The following CPNE4 variants were observed in gnomAD, a reference collection of about 807,000 sequenced individuals.
CPNE4 encodes copine 4, also known as copine-4.
CPNE4 carries 25 observed loss-of-function variants against 67.9 expected under a neutral mutation model. The ratio of observed to expected loss-of-function variants is 0.37; its 90% CI spans 0.27 to 0.51. The LOEUF (loss-of-function observed/expected upper bound fraction) is 0.51, where lower values mean the gene tolerates loss of function less well. Among genes scored for constraint, CPNE4 ranks in the 20% least tolerant of loss-of-function variants. The pLI, the probability that CPNE4 is intolerant of heterozygous loss-of-function variation, is 0.93. For synonymous variants in CPNE4, 242 were observed against 244.9 expected, an observed-to-expected ratio of 0.99 and a Z score of 0.11; for missense variants, 464 against 690.8, an observed-to-expected ratio of 0.67 and a Z score of 3.68.
intron 2 of CPNE4, among the ~76,000 whole-genome samples, chr3:131,735,941 T>C (rs2082224411): frequency 6.6e-6 from 1 of 152,236 alleles, no homozygotes; most frequent in Admixed American, 6.5e-5. Flanking sequence ...AGCTTCTATC[T>C]GAAGCCAAAT....
At chr3:131,754,583 G>T (rs1343186715) in intron 2 of CPNE4, among the ~76,000 whole-genome samples, 1 of 152,168 alleles carries the variant, frequency 6.6e-6, no homozygotes, top group Non-Finnish European at 1.5e-5. Context: ...AATAGATTCT[G>T]ATTCTTTGTA....
At chr3:131,737,511 A>G (rs16837765) in intron 2 of CPNE4, among the ~76,000 whole-genome samples, 17,103 of 152,210 alleles carry the variant, frequency 0.11, 1,259 homozygotes, top group East Asian at 0.26. Flanking sequence ...GAAATTTCCC[A>G]TCACACTATC....
chr3:131,822,428 A>AC (rs1380105998), intron 2 of CPNE4, among the ~76,000 whole-genome samples: 3 of 152,158 alleles, frequency 2.0e-5, no homozygotes, highest in Non-Finnish European at 4.4e-5. Flanking sequence ...GAAAATAACC[A>AC]TTTTCTCTTT....
At chr3:131,975,794 A>T (rs1255464486) in intron 1 of CPNE4, among the ~76,000 whole-genome samples, 1 of 152,220 alleles carries the variant, frequency 6.6e-6, no homozygotes, top group Non-Finnish European at 1.5e-5. Context: ...ATGCATAGAT[A>T]TGTATGCCTA....
chr3:132,007,335 T>C (rs1232801543), intron 1 of CPNE4, among the ~76,000 whole-genome samples: 1 of 152,178 alleles, frequency 6.6e-6, no homozygotes, highest in Non-Finnish European at 1.5e-5. Context: ...AGGGACTGTT[T>C]TCTCCTATTC....
chr3:131,859,941 G>T (rs1292176048), intron 2 of CPNE4, among the ~76,000 whole-genome samples: 1 of 152,108 alleles, frequency 6.6e-6, no homozygotes, highest in Admixed American at 6.6e-5. Flanking sequence ...GAAAATATCA[G>T]TGCAAATCCA....
chr3:131,554,991 C>A (rs55784245), intron 12 of CPNE4, among the ~76,000 whole-genome samples: 2,887 of 152,142 alleles, frequency 0.019, 38 homozygotes, highest in East Asian at 0.032. Flanking sequence ...AGGATTCCAA[C>A]GTCTTCAGAA....
At chr3:131,972,915 G>A (rs572939958) in intron 1 of CPNE4, among the ~76,000 whole-genome samples, 2 of 152,008 alleles carry the variant, frequency 1.3e-5, no homozygotes, top group Non-Finnish European at 2.9e-5. Context: ...TAATACAATC[G>A]GTTTTACTCC....
At chr3:131,982,013 A>G (rs779942568) in intron 1 of CPNE4, among the ~76,000 whole-genome samples, 2 of 152,112 alleles carry the variant, frequency 1.3e-5, no homozygotes, top group African/African-American at 4.8e-5. Flanking sequence ...CTTGCAGTCA[A>G]TTTGGAGCTA....
intron 14 of CPNE4, among the ~76,000 whole-genome samples, chr3:131,546,505 C>T (rs1425716399): frequency 6.6e-6 from 1 of 152,156 alleles, no homozygotes; most frequent in Non-Finnish European, 1.5e-5. Context: ...TAACAAGGGA[C>T]TCTGGACCAC....
At chr3:131,735,779 G>C (rs1018199649) in intron 2 of CPNE4, among the ~76,000 whole-genome samples, 1 of 152,054 alleles carries the variant, frequency 6.6e-6, no homozygotes, top group Non-Finnish European at 1.5e-5. Flanking sequence ...CATACTGTTT[G>C]TTCAGTATTT....
rs540650459 is a variant in CPNE4 at position 131,563,542 on chromosome 3, A to G, written c.1061+674T>C. On this transcript the variant is annotated intron_variant, in intron 11 of 15. Coordinates refer to ENST00000429747, the MANE Select transcript of CPNE4 (RefSeq NM_130808.3). ...TAAGAATAAATAGAACATTGATTTG[A>G]TCTTAAAATCATGTTTTCTATATAC... Among the ~76,000 whole-genome samples, 23 of 152,168 alleles carry G rather than the reference A, an allele frequency of 1.5e-4. No homozygotes were observed. The South Asian group carries it at 4.8e-3, about 32-fold the overall frequency.
intron 7 of CPNE4, among the ~76,000 whole-genome samples, chr3:131,645,122 AATTAC>A (rs2079632919): frequency 6.6e-6 from 1 of 152,222 alleles, no homozygotes; most frequent in Admixed American, 6.5e-5. Context: ...AGATGTCTTG[AATTAC>A]ATTGCTGTTA....
chr3:131,825,557 A>C (rs2085126016), intron 2 of CPNE4, among the ~76,000 whole-genome samples: 1 of 152,182 alleles, frequency 6.6e-6, no homozygotes, highest in Admixed American at 6.5e-5. Flanking sequence ...GAACAACACA[A>C]ATGATTAAAG....
At chr3:131,714,775 C>T (rs2107729260) in intron 3 of CPNE4, among the ~76,000 whole-genome samples, 1 of 152,230 alleles carries the variant, frequency 6.6e-6, no homozygotes. Flanking sequence ...CCAGGTGATT[C>T]TGCCACATGC....
intron 2 of CPNE4, among the ~76,000 whole-genome samples, chr3:131,798,956 A>G (rs758684429): frequency 9.9e-5 from 15 of 152,194 alleles, no homozygotes; most frequent in Non-Finnish European, 1.9e-4. Flanking sequence ...AAAAGCATGC[A>G]AAGCTTAACT....
At chr3:131,907,954 TG>T (rs1391779334) in intron 1 of CPNE4, among the ~76,000 whole-genome samples, 1 of 152,168 alleles carries the variant, frequency 6.6e-6, no homozygotes, top group South Asian at 2.1e-4. Context: ...TTGGGACATT[TG>T]TTTTTTACAG....
At chr3:131,738,357 T>C (rs904769999) in intron 2 of CPNE4, among the ~76,000 whole-genome samples, 1 of 152,258 alleles carries the variant, frequency 6.6e-6, no homozygotes, top group Non-Finnish European at 1.5e-5. Flanking sequence ...GGAGCTGAGC[T>C]GAATGTTTTT....
intron 2 of CPNE4, among the ~76,000 whole-genome samples, chr3:131,754,252 T>C (rs2082701136): frequency 6.6e-6 from 1 of 152,062 alleles, no homozygotes; most frequent in Non-Finnish European, 1.5e-5. Flanking sequence ...TCAATATCTA[T>C]ATAAGATTAC....
Sources: gnomAD v4.1 joint callset for allele counts (sites outside exome capture counted in the v4.1 genomes callset) on GRCh38, gnomAD v4.1.1 for gene constraint, MANE v1.5 for transcripts, NCBI Gene and HGNC (gene_info 2026-07-23, HGNC 2026-07-21) for gene names.